The following CCSER1 variants were observed in gnomAD, a reference collection of about 807,000 sequenced individuals.
CCSER1 encodes serine-rich coiled-coil domain-containing protein 1.
Under a neutral mutation model 82.0 loss-of-function variants are expected in CCSER1, and 41 were observed. The observed-to-expected ratio is 0.50, with a 90% confidence interval of 0.39 to 0.65. The LOEUF is 0.65. CCSER1 is among the 30% of genes least tolerant of loss of function. CCSER1 has a pLI of 0.00. For synonymous variants in CCSER1, 414 were observed against 383.9 expected (o/e 1.08, Z -0.92); for missense variants, 1,119 against 1,064.2 (o/e 1.05, Z -0.72).
At chr4:90,693,004 G>A (rs1736299122) in intron 6 of CCSER1, among the ~76,000 whole-genome samples, 1 of 151,844 alleles carries the variant, frequency 6.6e-6, no homozygotes, top group Non-Finnish European at 1.5e-5. Context: ...TACTATACCA[G>A]AAAGACACAC....
chr4:90,196,798 C>T (rs1156465810), intron 1 of CCSER1, among the ~76,000 whole-genome samples: 2 of 151,886 alleles, frequency 1.3e-5, no homozygotes, highest in African/African-American at 2.4e-5. Context: ...GAAATATGAG[C>T]TAATATAACT....
intron 9 of CCSER1, among the ~76,000 whole-genome samples, chr4:90,971,055 A>G (rs982833153): frequency 2.0e-5 from 3 of 151,966 alleles, no homozygotes; most frequent in African/African-American, 4.8e-5. Flanking sequence ...GAAGGAAGGA[A>G]ATAGTAAATA....
At chr4:90,205,495 G>A (rs1433916923) in intron 1 of CCSER1, among the ~76,000 whole-genome samples, 1 of 152,106 alleles carries the variant, frequency 6.6e-6, no homozygotes, top group African/African-American at 2.4e-5. Flanking sequence ...TGTAATGGAT[G>A]ACTTTATTGA....
Position 91,289,239 on chromosome 4 carries a change from C to CTCA in CCSER1, c.2217+203247_2217+203249dup, listed in dbSNP as rs532756500. On this transcript the variant is annotated intron_variant, in intron 10 of 10. Transcript: ENST00000509176. Reference sequence around the variant, plus strand: ...AAGGCTTCATAGAAGGAAAAGCATGCTCATTTCTGGGCATACAGCTGATTT... The same window carrying CTCA: ...AAGGCTTCATAGAAGGAAAAGCATGCTCATCATTTCTGGGCATACAGCTGATTT... Among the ~76,000 whole-genome samples the CTCA allele has an allele frequency of 1.3e-4, 20 of 152,120 alleles. No homozygotes were observed. The South Asian group carries it at 3.9e-3, about 30-fold the overall frequency.
At chr4:90,424,022 C>A (rs976525074) in intron 4 of CCSER1, among the ~76,000 whole-genome samples, 4 of 150,932 alleles carry the variant, frequency 2.7e-5, no homozygotes, top group African/African-American at 9.7e-5. Flanking sequence ...ACCCGGGAGG[C>A]TGAGGTTGCA....
At chr4:91,560,185 TGTG>T (rs1386272769) in intron 10 of CCSER1, among the ~76,000 whole-genome samples, 1 of 151,502 alleles carries the variant, frequency 6.6e-6, no homozygotes, top group African/African-American at 2.4e-5. Flanking sequence ...AATTACATAA[TGTG>T]GTAGTTAGAT....
At position 91,604,490 on chromosome 4, in the gene CCSER1, T is replaced by G. The variant is rs1307484647; in HGVS notation, c.*5433T>G. ...AAACTGACATTCTAATTTTCTTCTC[T>G]TGAAAGCAATTAGAAAAAATGCTAA... On this transcript the variant is annotated 3_prime_UTR_variant, in exon 11 of 11. Transcript: ENST00000509176. The G allele has an allele frequency of 1.3e-5, 2 of 152,098 alleles. No homozygotes were observed. The highest frequency in any genetic ancestry group is 1.3e-4 in the Admixed American group (2 of 15,258). 9.4% of individuals were successfully genotyped at this position (152,098 alleles called of 1,614,324 possible).
At chr4:91,379,033 G>C in intron 10 of CCSER1, among the ~76,000 whole-genome samples, 1 of 152,148 alleles carries the variant, frequency 6.6e-6, no homozygotes, top group Non-Finnish European at 1.5e-5. Context: ...CTTTGGTTCT[G>C]TTTATATGCT....
chr4:91,163,416 G>A (rs1731659238), intron 10 of CCSER1, among the ~76,000 whole-genome samples: 2 of 151,878 alleles, frequency 1.3e-5, no homozygotes, highest in Non-Finnish European at 2.9e-5. Flanking sequence ...TGTTGATTTG[G>A]GGTGGAGAGT....
intron 1 of CCSER1, among the ~76,000 whole-genome samples, chr4:90,140,688 C>G (rs555647357): frequency 1.1e-5 from 1 of 91,004 alleles, no homozygotes; most frequent in Admixed American, 1.7e-4. Flanking sequence ...TTTTTTGAGA[C>G]GGAGTCTTGC....
intron 1 of CCSER1, among the ~76,000 whole-genome samples, chr4:90,259,315 T>G (rs1026291928): frequency 6.6e-6 from 1 of 152,204 alleles, no homozygotes; most frequent in African/African-American, 2.4e-5. Context: ...TATACATTGA[T>G]TTTGTAATGT....
chr4:90,814,093 C>T (rs1280836166), intron 7 of CCSER1, among the ~76,000 whole-genome samples: 1 of 152,190 alleles, frequency 6.6e-6, no homozygotes, highest in Non-Finnish European at 1.5e-5. Flanking sequence ...GCCCGCAGGC[C>T]CAACACCACA....
chr4:91,386,681 G>A (rs922962820), intron 10 of CCSER1, among the ~76,000 whole-genome samples: 2 of 152,004 alleles, frequency 1.3e-5, no homozygotes, highest in East Asian at 1.9e-4. Flanking sequence ...AAGCTGGACG[G>A]CACTTTATCC....
rs114102935 is a variant in CCSER1, at chr4:90,830,281, T to G, written c.2094+14436T>G. Among the ~76,000 whole-genome samples the G allele has an allele frequency of 3.9e-3, 595 of 152,304 alleles. 5 individuals are homozygous for G. Among genetic ancestry groups the G allele is most frequent in the African/African-American group, 0.013 (555 of 41,560 alleles). ...TATCTTACCTCACCCTTGGCCGTAA[T>G]TTTTCTTTTATATTGAGGAAACCAA... On this transcript the variant is annotated intron_variant, in intron 8 of 10. Coordinates refer to ENST00000509176, the MANE Select transcript of CCSER1 (RefSeq NM_001145065.2).
In CCSER1 at chr4:90,446,426, G is replaced by C. The variant is rs146022734; in HGVS notation, c.1604-21808G>C. ...ACTAAAGACTAATCAACTATGTCTC[G>C]TAACCTGAGAGAGATTCTTGATATA... On this transcript the variant is annotated intron_variant, in intron 4 of 10. Coordinates refer to ENST00000509176, the MANE Select transcript of CCSER1 (RefSeq NM_001145065.2). 3.3e-5 allele frequency among the ~76,000 whole-genome samples: 5 copies of C among 152,174 alleles called. No homozygotes were observed. The East Asian group carries it at 9.6e-4, about 29-fold the overall frequency.
chr4:91,028,403 G>A (rs1740679985), intron 9 of CCSER1, among the ~76,000 whole-genome samples: 1 of 151,818 alleles, frequency 6.6e-6, no homozygotes, highest in Non-Finnish European at 1.5e-5. Flanking sequence ...TCAAGTTTAA[G>A]GGGGGAATAT....
In CCSER1 at chr4:90,309,355, T is replaced by C; in HGVS notation, c.1071T>C (p.Ala357=). 6.2e-7 allele frequency: 1 copy of C among 1,613,842 alleles called. No individual in the cohort carries two copies. Among genetic ancestry groups the C allele is most frequent in the African/African-American group, 1.3e-5 (1 of 75,036 alleles). Residue 357 remains alanine, a synonymous_variant, in exon 2 of 11, where the codon GCT becomes GCC. Transcript: ENST00000509176. ...TATTACAAATTGCTGAACTACCTGC[T>C]ACAAGTGTGAGCCACTCAGAGAGTA... The part of the protein sequence containing the change: ...EVLLQIAELP[A]TSVSHSESNL...
rs188958124 is a variant in CCSER1, at chr4:90,621,883, G to A, written c.1725-6142G>A. ...GATCTTCTCCTTTATCTGCATAGGC[G>A]TAAAAATTGCTGCAGCCTCTGTTTT... On this transcript the variant is annotated intron_variant, in intron 5 of 10. Transcript: ENST00000509176. 3.3e-4 allele frequency among the ~76,000 whole-genome samples: 50 copies of A among 152,284 alleles called. No homozygotes were observed. The East Asian group carries it at 7.1e-3, about 22-fold the overall frequency.
At chr4:90,355,601 G>A (rs1246514296) in intron 3 of CCSER1, among the ~76,000 whole-genome samples, 2 of 152,058 alleles carry the variant, frequency 1.3e-5, no homozygotes, top group Admixed American at 6.5e-5. Flanking sequence ...ACATAGGGAA[G>A]CTGAGATAGG....
Sources: gnomAD v4.1 joint callset for allele counts (sites outside exome capture counted in the v4.1 genomes callset) on GRCh38, gnomAD v4.1.1 for gene constraint, MANE v1.5 for transcripts, NCBI Gene and HGNC (gene_info 2026-07-23, HGNC 2026-07-21) for gene names.